CAMK2D: variants seen among roughly 807,000 people sequenced by gnomAD.
The protein encoded by CAMK2D is calcium/calmodulin dependent protein kinase II delta.
In CAMK2D, 37 loss-of-function variants were observed where a neutral mutation model predicts 84.0. The ratio of observed to expected loss-of-function variants is 0.44; its 90% CI spans 0.34 to 0.58. CAMK2D has a LOEUF of 0.58. CAMK2D is among the 20% of genes least tolerant of loss of function. CAMK2D has a pLI of 0.02. For missense variants in CAMK2D, 448 were observed against 652.5 expected (o/e 0.69, Z 3.41); for synonymous variants, 202 against 212.5 (o/e 0.95, Z 0.43).
intron 16 of CAMK2D, among the ~76,000 whole-genome samples, chr4:113,486,497 T>C (rs1204710488): frequency 6.6e-6 from 1 of 152,152 alleles, no homozygotes; most frequent in Non-Finnish European, 1.5e-5. Flanking sequence ...TGCAGAACTT[T>C]GGAAAGGAAA....
At chr4:113,711,733 G>C (rs1048303789) in intron 2 of CAMK2D, among the ~76,000 whole-genome samples, 1 of 152,002 alleles carries the variant, frequency 6.6e-6, no homozygotes, top group East Asian at 1.9e-4. Flanking sequence ...CTATCACAGG[G>C]CCTTCACTAA....
At chr4:113,723,953 A>G (rs1180154860) in intron 2 of CAMK2D, among the ~76,000 whole-genome samples, 3 of 152,134 alleles carry the variant, frequency 2.0e-5, no homozygotes, top group Admixed American at 1.3e-4. Flanking sequence ...TTCAATACCT[A>G]TCAGGGTAAG....
At chr4:113,751,503 G>A (rs985438993) in intron 2 of CAMK2D, among the ~76,000 whole-genome samples, 11 of 152,118 alleles carry the variant, frequency 7.2e-5, no homozygotes, top group East Asian at 1.9e-4. Flanking sequence ...CAGGTGCGGC[G>A]GCTAACACCT....
intron 2 of CAMK2D, among the ~76,000 whole-genome samples, chr4:113,731,313 A>T (rs1304499952): frequency 6.6e-6 from 1 of 152,188 alleles, no homozygotes; most frequent in Non-Finnish European, 1.5e-5. Flanking sequence ...CTAAAGAGGC[A>T]CTCACCAAAT....
At chr4:113,626,558 A>G in intron 3 of CAMK2D, among the ~76,000 whole-genome samples, 1 of 152,236 alleles carries the variant, frequency 6.6e-6, no homozygotes, top group East Asian at 1.9e-4. Flanking sequence ...TTATTTTACC[A>G]TGTGGGACAA....
intron 3 of CAMK2D, among the ~76,000 whole-genome samples, chr4:113,619,732 A>G (rs539413661): frequency 8.0e-4 from 122 of 152,274 alleles, no homozygotes; most frequent in Non-Finnish European, 1.1e-3. Flanking sequence ...TTTTTGGAAC[A>G]TAGCCACATC....
chr4:113,597,932 C>CCAGT (rs2098934644), intron 4 of CAMK2D, among the ~76,000 whole-genome samples: 1 of 152,088 alleles, frequency 6.6e-6, no homozygotes, highest in Non-Finnish European at 1.5e-5. Context: ...GGGGGAATGG[C>CCAGT]CAGTCAGTGG....
intron 16 of CAMK2D, among the ~76,000 whole-genome samples, chr4:113,499,267 A>T (rs1305661759): frequency 6.6e-6 from 1 of 152,198 alleles, no homozygotes; most frequent in Non-Finnish European, 1.5e-5. Flanking sequence ...AGACCTACTA[A>T]ATAAAATTCT....
At chr4:113,520,683 T>C (rs1021265615) in intron 8 of CAMK2D, among the ~76,000 whole-genome samples, 6 of 152,134 alleles carry the variant, frequency 3.9e-5, no homozygotes, top group Non-Finnish European at 7.4e-5. Context: ...GTATCTCTCA[T>C]GACACTAGCA....
At chr4:113,593,807 G>C (rs2098907080) in intron 4 of CAMK2D, among the ~76,000 whole-genome samples, 1 of 127,982 alleles carries the variant, frequency 7.8e-6, no homozygotes, top group Non-Finnish European at 1.7e-5. Context: ...ACAGTCTAGA[G>C]GTACAGGCTT....
chr4:113,756,652 C>T (rs1057112686), intron 2 of CAMK2D, among the ~76,000 whole-genome samples: 12 of 152,012 alleles, frequency 7.9e-5, no homozygotes, highest in Non-Finnish European at 1.3e-4. Context: ...TACTACTTCA[C>T]GGATTTATTT....
chr4:113,744,441 C>T (rs1214636283), intron 2 of CAMK2D, among the ~76,000 whole-genome samples: 3 of 152,100 alleles, frequency 2.0e-5, no homozygotes, highest in Non-Finnish European at 4.4e-5. Context: ...CAAAAATTCC[C>T]TCCCTCAGAA....
rs557388428 is a variant in CAMK2D, at chr4:113,510,020, A to G, written c.947-345T>C. Among the ~76,000 whole-genome samples the G allele has an allele frequency of 7.1e-4, 108 of 152,340 alleles. 2 individuals are homozygous for G. In the South Asian group the frequency reaches 0.022, roughly 32 times the overall value. ...TTTTGTAATCCAGAAAGTTGAATTC[A>G]GTCTTTGGACATCAGCTGACTGACA... On this transcript the variant is annotated intron_variant, in intron 12 of 20. Transcript: ENST00000511664.
At chr4:113,621,356 C>G (rs1435772012) in intron 3 of CAMK2D, among the ~76,000 whole-genome samples, 2 of 152,088 alleles carry the variant, frequency 1.3e-5, no homozygotes, top group East Asian at 3.8e-4. Flanking sequence ...TAAATGTTCT[C>G]AATAAAAACA....
At chr4:113,567,628 A>C (rs1287583420) in intron 4 of CAMK2D, among the ~76,000 whole-genome samples, 2 of 152,222 alleles carry the variant, frequency 1.3e-5, no homozygotes, top group Admixed American at 6.5e-5. Context: ...ATGAAATTTG[A>C]AATTGGTTAA....
At chr4:113,491,456 C>A (rs1013772826) in intron 16 of CAMK2D, among the ~76,000 whole-genome samples, 1 of 150,478 alleles carries the variant, frequency 6.6e-6, no homozygotes, top group African/African-American at 2.5e-5. Flanking sequence ...TATTGATTTG[C>A]GTATATTGAA....
chr4:113,589,029 G>A (rs1464130417), intron 4 of CAMK2D, among the ~76,000 whole-genome samples: 5 of 152,156 alleles, frequency 3.3e-5, no homozygotes, highest in Non-Finnish European at 7.4e-5. Flanking sequence ...TTCTGGGAGA[G>A]GAACACTCAG....
intron 2 of CAMK2D, among the ~76,000 whole-genome samples, chr4:113,717,420 C>T (rs1342070577): frequency 1.2e-4 from 18 of 151,766 alleles, no homozygotes; most frequent in Admixed American, 9.2e-4. Context: ...TGGATAATCT[C>T]GTATAATCAA....
chr4:113,717,312 G>A (rs2099516610), intron 2 of CAMK2D, among the ~76,000 whole-genome samples: 1 of 151,916 alleles, frequency 6.6e-6, no homozygotes, highest in Non-Finnish European at 1.5e-5. Context: ...AAAAAAATAA[G>A]AGAAAAATCC....
Sources: gnomAD v4.1 joint callset for allele counts (sites outside exome capture counted in the v4.1 genomes callset) on GRCh38, gnomAD v4.1.1 for gene constraint, MANE v1.5 for transcripts, NCBI Gene and HGNC (gene_info 2026-07-23, HGNC 2026-07-21) for gene names.